The following DENND2C variants were observed in gnomAD, a reference collection of about 807,000 sequenced individuals.
The protein encoded by DENND2C is DENN domain containing 2C, also known as DENN domain-containing protein 2C.
In DENND2C, 72 loss-of-function variants were observed where a neutral mutation model predicts 112.4. The observed-to-expected ratio is 0.64, with a 90% CI of 0.53 to 0.78. The LOEUF is 0.78. DENND2C is among the 30% of genes least tolerant of loss of function. The pLI is 0.00. For missense variants in DENND2C, 992 were observed against 1,113.8 expected, an observed-to-expected ratio of 0.89 and a Z score of 1.56; for synonymous variants, 329 against 381.6, an observed-to-expected ratio of 0.86 and a Z score of 1.61.
chr1:114,601,693 ACC>A, intron 12 of DENND2C, 108 bp from the exon 13 acceptor site: 1 of 872,404 alleles, frequency 1.1e-6, no homozygotes, highest in Non-Finnish European at 1.8e-6. Flanking sequence ...CGGAGCAGTA[ACC>A]AAGGCTCTCA....
Position 114,611,062 on chromosome 1 carries a change from GACTC to G in DENND2C, c.1369+7_1369+10del. The stretch of plus-strand genomic sequence containing the variant: ...TCACAACAACGGGAGCAGCCCCATT[GACTC>G]ACTCACTCTTTGGCAGATACTCGGC... On this transcript the variant is annotated splice_region_variant and intron_variant, in intron 9 of 20. Transcript: ENST00000393274. The G allele has an allele frequency of 4.1e-5, 66 of 1,614,114 alleles. No individual in the cohort carries two copies. The South Asian group carries it at 6.4e-4, about 16-fold the overall frequency.
At chr1:114,662,419 T>C (rs1231665319) in intron 1 of DENND2C, among the ~76,000 whole-genome samples, 3 of 152,142 alleles carry the variant, frequency 2.0e-5, no homozygotes, top group African/African-American at 7.2e-5. Context: ...TCCGCAAATA[T>C]GTCATTTCTA....
rs1557960847 is a variant in DENND2C, at chr1:114,655,883, A to ATAT, written c.-573-1123_-573-1122insATA. Among the ~76,000 whole-genome samples the ATAT allele has an allele frequency of 8.7e-4, 109 of 125,880 alleles. 1 individual carries two copies. The highest frequency in any genetic ancestry group is 4.5e-3 in the Middle Eastern group (1 of 222). The allele number at this position is 125,880 out of a possible 152,430, so 82.6% of individuals were successfully genotyped here. ...AAGAACTTTTATATATATATGTATA[A>ATAT]ATATATATATATATATAATATGTAT... On this transcript the variant is annotated intron_variant, in intron 1 of 20. Coordinates refer to ENST00000393274, the MANE Select transcript of DENND2C (RefSeq NM_001256404.2).
chr1:114,611,585 A>G (rs924430792), intron 8 of DENND2C, among the ~76,000 whole-genome samples: 1 of 152,144 alleles, frequency 6.6e-6, no homozygotes, highest in Admixed American at 6.5e-5. Context: ...AAGTCAGCCT[A>G]CCTCTTCTAT....
chr1:114,607,121 G>A (rs1655679133), intron 10 of DENND2C, among the ~76,000 whole-genome samples: 1 of 152,230 alleles, frequency 6.6e-6, no homozygotes, highest in South Asian at 2.1e-4. Flanking sequence ...AGGGCCCAGG[G>A]AATCAGGCAG....
chr1:114,603,732 G>A (rs114055089), intron 11 of DENND2C, among the ~76,000 whole-genome samples: 188 of 151,826 alleles, frequency 1.2e-3, no homozygotes, highest in African/African-American at 4.4e-3. Context: ...GTAGAGACAG[G>A]GACTTGCTAT....
chr1:114,593,791 A>AAAAC (rs201938400), intron 18 of DENND2C, among the ~76,000 whole-genome samples: 1,669 of 152,200 alleles, frequency 0.011, 24 homozygotes, highest in Middle Eastern at 0.054. Flanking sequence ...GAAAAAACCC[A>AAAAC]AAACAAACAA....
At chr1:114,610,971 A>G in intron 9 of DENND2C, 102 bp downstream of exon 9, 3 of 1,333,130 alleles carry the variant, frequency 2.3e-6, no homozygotes, top group Non-Finnish European at 3.2e-6. Context: ...TACAAAATGG[A>G]ACTTCATGTG....
chr1:114,623,747 A>T (rs375425451), intron 4 of DENND2C, 104 bp from the exon 5 acceptor site: 4 of 1,010,260 alleles, frequency 4.0e-6, no homozygotes, highest in Non-Finnish European at 5.4e-6. Context: ...TTTTATTATT[A>T]TTTTTTGAGA....
At chr1:114,591,707 T>A (rs1655195670) in intron 18 of DENND2C, among the ~76,000 whole-genome samples, 1 of 151,926 alleles carries the variant, frequency 6.6e-6, no homozygotes, top group African/African-American at 2.4e-5. Flanking sequence ...TTTATTGACA[T>A]AAAATATTTT....
rs1409594953 is a variant in DENND2C at position 114,608,843 on chromosome 1, G to A, written c.1400C>T (p.Pro467Leu). Reference protein sequence around the residue: ...NRHKRLAQLQPSSKRNPHYQT... With the variant: ...NRHKRLAQLQLSSKRNPHYQT... ...GTAGTGAGGATTCCTCTTGGAAGAC[G>A]GTTGCAGTTGTGCTAAGCGTTTATG... The change falls in exon 10 of 21, where the codon CCG becomes CTG. Residue 467 changes from proline to leucine, a missense_variant. Physicochemically the swap from Pro to Leu is moderately conservative, Grantham distance 98 (BLOSUM62 -3). This residue lies in a region of DENND2C where 516 missense variants were observed against 623.6 expected (regional missense o/e 0.83). Transcript: ENST00000393274. The A allele has an allele frequency of 3.7e-6, 6 of 1,614,162 alleles. No homozygotes were observed. The highest frequency in any genetic ancestry group is 1.1e-5 in the South Asian group (1 of 91,080).
chr1:114,661,607 A>T (rs1340868065), intron 1 of DENND2C, among the ~76,000 whole-genome samples: 1 of 152,238 alleles, frequency 6.6e-6, no homozygotes, highest in Non-Finnish European at 1.5e-5. Context: ...TTATATGAAG[A>T]CATGGGTCTG....
At chr1:114,594,347 T>C (rs991045423) in intron 18 of DENND2C, 126 bp downstream of exon 18, 7 of 745,070 alleles carry the variant, frequency 9.4e-6, no homozygotes, top group African/African-American at 5.2e-5. Flanking sequence ...AAGCTGATTA[T>C]AGGATTTTCA....
At chr1:114,653,566 C>G (rs1657227139) in intron 2 of DENND2C, among the ~76,000 whole-genome samples, 1 of 152,054 alleles carries the variant, frequency 6.6e-6, no homozygotes, top group South Asian at 2.1e-4. Context: ...AACAATGGTA[C>G]CAGTGAGAGA....
intron 1 of DENND2C, 69 bp from the exon 2 acceptor site, chr1:114,654,830 T>G (rs1300848482): frequency 6.6e-6 from 1 of 152,042 alleles, no homozygotes; most frequent in Non-Finnish European, 1.5e-5. Flanking sequence ...GTGCCTATAT[T>G]TCTGCTATGC....
intron 1 of DENND2C, among the ~76,000 whole-genome samples, chr1:114,665,678 A>T (rs1338770305): frequency 3.9e-5 from 6 of 152,358 alleles, no homozygotes; most frequent in Non-Finnish European, 8.8e-5. Flanking sequence ...TCCAAATGAA[A>T]TTTTAAAAGA....
chr1:114,596,085 G>T (rs2101644541), intron 16 of DENND2C, among the ~76,000 whole-genome samples: 1 of 152,308 alleles, frequency 6.6e-6, no homozygotes, highest in Admixed American at 6.5e-5. Context: ...TAAATACAGT[G>T]TGTGGGGCCA....
intron 18 of DENND2C, among the ~76,000 whole-genome samples, chr1:114,591,884 A>T (rs1481812857): frequency 2.7e-5 from 4 of 148,646 alleles, no homozygotes; most frequent in African/African-American, 7.4e-5. Flanking sequence ...TATTATTTTT[A>T]TTATTATTAT....
At chr1:114,588,093 C>G in intron 18 of DENND2C, 141 bp from the exon 19 acceptor site, 1 of 731,818 alleles carries the variant, frequency 1.4e-6, no homozygotes, top group South Asian at 1.9e-5. Context: ...GTTCATTCTT[C>G]ACTTTCTTTC....
Sources: gnomAD v4.1 joint callset for allele counts (sites outside exome capture counted in the v4.1 genomes callset) on GRCh38, gnomAD v4.1.1 for gene constraint, gnomAD v4.1.1 regional missense constraint, MANE v1.5 for transcripts, NCBI Gene and HGNC (gene_info 2026-07-23, HGNC 2026-07-21) for gene names.